The following USP42 variants were observed in gnomAD, a reference collection of about 807,000 sequenced individuals.
USP42 encodes the protein ubiquitin specific peptidase 42, also known as ubiquitin carboxyl-terminal hydrolase 42.
USP42 carries 23 observed loss-of-function variants against 113.0 expected under a neutral mutation model. The observed-to-expected ratio is 0.20, with a 90% CI of 0.15 to 0.29. USP42 has a LOEUF of 0.29. Ranked by LOEUF, USP42 falls within the 10% of genes least tolerant of loss-of-function variation. The probability of loss-of-function intolerance (pLI) is 1.00; values close to 1 mark genes in which losing one functional copy is unlikely to be tolerated. For missense variants in USP42, 2,174 were observed against 1,779.8 expected (o/e 1.22, Z -3.99); for synonymous variants, 933 against 699.0 (o/e 1.33, Z -5.28).
chr7:6,095,447 A>C, the USP42 span, among the ~76,000 whole-genome samples: 2 of 151,092 alleles, frequency 1.3e-5, no homozygotes, highest in Admixed American at 6.6e-5. Flanking sequence ...AGGCAGGCAG[A>C]TCACGAAGTC....
At position 6,149,575 on chromosome 7, in the gene USP42, A is replaced by T. The variant is rs751030251; in HGVS notation, c.1387-8A>T. On this transcript the variant is annotated splice_polypyrimidine_tract_variant and splice_region_variant and intron_variant, in intron 12 of 17. Coordinates refer to ENST00000306177, the MANE Select transcript of USP42 (RefSeq NM_032172.3). ...AGCTCTGACCAGGTGCGCTCTGCTTACTTCCAGAATCCACCTCACTTAAAT... is the reference window on the plus strand; with the variant it reads ...AGCTCTGACCAGGTGCGCTCTGCTTTCTTCCAGAATCCACCTCACTTAAAT... 2.5e-6 allele frequency: 4 copies of T among 1,608,334 alleles called. No individual in the cohort carries two copies. Among genetic ancestry groups the T allele is most frequent in the Non-Finnish European group, 3.4e-6 (4 of 1,176,050 alleles).
intron 3 of USP42, among the ~76,000 whole-genome samples, chr7:6,133,867 G>A (rs1466724406): frequency 1.3e-5 from 2 of 148,646 alleles, no homozygotes; most frequent in East Asian, 4.0e-4. Flanking sequence ...AAGCAGATTT[G>A]CATCTATTTC....
rs201991529 is a variant in USP42 at position 6,154,221 on chromosome 7, C to G, written c.2667C>G (p.Ser889Arg). 6.2e-7 allele frequency: 1 copy of G among 1,606,904 alleles called. No homozygotes were observed. The highest frequency in any genetic ancestry group is 8.5e-7 in the Non-Finnish European group (1 of 1,178,970). The change falls in exon 15 of 18, where the codon AGC becomes AGG. Residue 889 changes from serine to arginine, a missense_variant. Physicochemically the swap from Ser to Arg is moderately radical, Grantham distance 110. Transcript: ENST00000306177. ...HARDAQDPSQ[S>R]LGAPEAAERP... ...GGGACGCTCAGGACCCATCCCAGAG[C>G]TTGGGCGCACCCGAGGCCGCAGAGC...
intron 3 of USP42, among the ~76,000 whole-genome samples, chr7:6,133,446 A>G (rs901204581): frequency 6.6e-6 from 1 of 152,162 alleles, no homozygotes; most frequent in Non-Finnish European, 1.5e-5. Context: ...AATATCTTCA[A>G]GTTCACTAAT....
chr7:6,151,500 C>A (rs1483475671), intron 14 of USP42, among the ~76,000 whole-genome samples: 1 of 152,128 alleles, frequency 6.6e-6, no homozygotes, highest in Non-Finnish European at 1.5e-5. Flanking sequence ...TACAGTGGTG[C>A]GATCTCAGCT....
intron 7 of USP42, 30 bp downstream of exon 7, chr7:6,141,014 A>C (rs540523968): frequency 5.1e-5 from 58 of 1,139,798 alleles, no homozygotes; most frequent in Non-Finnish European, 7.1e-5. Context: ...GAGTAATTAC[A>C]TTTTTAAAAT....
chr7:6,146,933 C>G (rs1271778657), intron 11 of USP42, among the ~76,000 whole-genome samples: 1 of 152,238 alleles, frequency 6.6e-6, no homozygotes, highest in Non-Finnish European at 1.5e-5. Flanking sequence ...CAACCTGGAG[C>G]ACAGGTCAGT....
At chr7:6,097,851 A>T in the USP42 span, among the ~76,000 whole-genome samples, 4 of 148,944 alleles carry the variant, frequency 2.7e-5, no homozygotes, top group Non-Finnish European at 5.9e-5. Flanking sequence ...CGGCCTCCCA[A>T]AGTGCTGGGA....
chr7:6,099,109 C>T, the USP42 span, among the ~76,000 whole-genome samples: 2 of 149,688 alleles, frequency 1.3e-5, no homozygotes, highest in Non-Finnish European at 3.0e-5. Flanking sequence ...TCAGGACTGT[C>T]TGCCCTCTGA....
rs1365459874 is a variant in USP42 at position 6,146,139 on chromosome 7, CATTT to C, written c.1132-6_1132-3del. On this transcript the variant is annotated splice_polypyrimidine_tract_variant and splice_region_variant and intron_variant, in intron 10 of 17. Coordinates refer to ENST00000306177, the MANE Select transcript of USP42 (RefSeq NM_032172.3). ...CTAATCTCTCTCTTTTATTGGCTCT[CATTT>C]ATAGGCTAGCAATGGCCTCTGGTAT... 4 of 1,545,064 alleles carry C rather than the reference CATTT, an allele frequency of 2.6e-6. No individual in the cohort carries two copies. Among genetic ancestry groups the C allele is most frequent in the Admixed American group, 1.9e-5 (1 of 52,420 alleles).
In USP42 at chr7:6,139,249, T is replaced by A. The variant is rs1781319768; in HGVS notation, c.656+55T>A. 7 of 1,335,678 alleles carry A rather than the reference T, an allele frequency of 5.2e-6. No homozygotes were observed. The African/African-American group carries it at 7.4e-5, about 14-fold the overall frequency. The allele number at this position is 1,335,678 out of a possible 1,614,324, so 82.7% of individuals were successfully genotyped here. A position where few individuals can be genotyped will look rare whatever the true frequency, so the allele number is the denominator to read the frequency against. ...TCATTGGGGATCTCTGGTTGTAGTT[T>A]ATTCTTATCAGAATTCATTTTCACC... On this transcript the variant is annotated intron_variant, in intron 5 of 17. Coordinates refer to ENST00000306177, the MANE Select transcript of USP42 (RefSeq NM_032172.3). This position sits in a 1 kb window ranked among gnomAD's most constrained non-coding sequence, Gnocchi z 4.5.
At chr7:6,092,082 C>CTCTTCTTCT in the USP42 span, among the ~76,000 whole-genome samples, 15 of 59,514 alleles carry the variant, frequency 2.5e-4, 2 homozygotes, top group African/African-American at 8.0e-4. Flanking sequence ...CTTCCTCTTC[C>CTCTTCTTCT]TCTTCTTCTT....
At chr7:6,090,736 T>G in the USP42 span, among the ~76,000 whole-genome samples, 1 of 145,314 alleles carries the variant, frequency 6.9e-6, no homozygotes, top group Non-Finnish European at 1.5e-5. Flanking sequence ...AAAACAAAAC[T>G]AACTATATAT....
At chr7:6,134,171 A>G (rs768288569) in intron 3 of USP42, among the ~76,000 whole-genome samples, 61 of 152,126 alleles carry the variant, frequency 4.0e-4, no homozygotes, top group East Asian at 9.6e-4. Context: ...GATTACAGGT[A>G]TGAGCCACCA....
At chr7:6,087,473 A>T in the USP42 span, among the ~76,000 whole-genome samples, 515 of 147,520 alleles carry the variant, frequency 3.5e-3, 3 homozygotes, top group Non-Finnish European at 5.2e-3. Context: ...AGTAGCTGGG[A>T]CTACATGTGG....
At chr7:6,084,575 C>T in the USP42 span, 2 of 151,256 alleles carry the variant, frequency 1.3e-5, no homozygotes, top group Non-Finnish European at 2.9e-5. Context: ...CATCGCTGCC[C>T]GCATCACCAC....
intron 4 of USP42, 52 bp downstream of exon 4, chr7:6,136,003 T>A: frequency 4.7e-4 from 86 of 182,334 alleles, no homozygotes; most frequent in South Asian, 6.6e-4. Context: ...CTAGTTATAC[T>A]TTTTTTTTTT....
Position 6,159,551 on chromosome 7 carries a change from G to A in USP42, c.*36+58G>A. On this transcript the variant is annotated intron_variant, in intron 17 of 17. Transcript: ENST00000306177. This position sits in a 1 kb window ranked among gnomAD's most constrained non-coding sequence, Gnocchi z 4.1. ...TTGTGGTGGCGCTGAGGGGACGCAGGCAGAGGAGTTTTAATTCTGCGGCTC... is the reference window on the plus strand; with the variant it reads ...TTGTGGTGGCGCTGAGGGGACGCAGACAGAGGAGTTTTAATTCTGCGGCTC... 1 of 1,541,108 alleles carries A rather than the reference G, an allele frequency of 6.5e-7. No individual in the cohort carries two copies. Among genetic ancestry groups the A allele is most frequent in the Admixed American group, 1.7e-5 (1 of 58,492 alleles).
At chr7:6,109,246 GA>G (rs557967440) in intron 1 of USP42, among the ~76,000 whole-genome samples, 1 of 150,412 alleles carries the variant, frequency 6.6e-6, no homozygotes, top group South Asian at 2.1e-4. Flanking sequence ...AGGGACAAAA[GA>G]AAAAAAAACA....
Sources: allele counts gnomAD v4.1 joint callset (sites outside exome capture counted in the v4.1 genomes callset), GRCh38; gene constraint gnomAD v4.1.1; non-coding constraint Gnocchi (gnomAD v3.1); transcripts MANE v1.5; gene names NCBI Gene and HGNC (gene_info 2026-07-23, HGNC 2026-07-21).